SIL1: variants seen among roughly 807,000 people sequenced by gnomAD.
SIL1 encodes nucleotide exchange factor SIL1.
Under a neutral mutation model 49.1 loss-of-function variants are expected in SIL1, and 40 were observed. The ratio of observed to expected loss-of-function variants is 0.81; its 90% CI spans 0.63 to 1.06. SIL1 has a LOEUF of 1.06. Ranked by LOEUF, SIL1 falls within the 50% of genes least tolerant of loss-of-function variation. The pLI is 0.00. For synonymous variants in SIL1, 253 were observed against 250.8 expected, an observed-to-expected ratio of 1.01 and a Z score of -0.08; for missense variants, 500 against 572.6, an observed-to-expected ratio of 0.87 and a Z score of 1.29.
intron 2 of SIL1, among the ~76,000 whole-genome samples, chr5:139,124,310 C>T (rs1750712733): frequency 6.6e-6 from 1 of 152,002 alleles, no homozygotes; most frequent in African/African-American, 2.4e-5. Context: ...GATGAACCAC[C>T]GAGCTACATG....
intron 3 of SIL1, among the ~76,000 whole-genome samples, chr5:139,078,534 C>T (rs747368020): frequency 5.3e-5 from 8 of 152,138 alleles, no homozygotes; most frequent in Non-Finnish European, 8.8e-5. Flanking sequence ...GCTGGGGAGA[C>T]GCAGAACAGC....
chr5:139,004,155 G>A (rs1049873933), intron 7 of SIL1, among the ~76,000 whole-genome samples: 9 of 151,932 alleles, frequency 5.9e-5, no homozygotes, highest in African/African-American at 1.9e-4. Flanking sequence ...ATTATTATTC[G>A]CCTGCTTTAA....
intron 3 of SIL1, among the ~76,000 whole-genome samples, chr5:139,112,991 C>A (rs1473535065): frequency 6.6e-6 from 1 of 152,244 alleles, no homozygotes; most frequent in Non-Finnish European, 1.5e-5. Context: ...TCATCTATGA[C>A]CTTGCCCCCA....
intron 4 of SIL1, among the ~76,000 whole-genome samples, chr5:139,046,172 C>G (rs1449564834): frequency 1.2e-4 from 18 of 152,256 alleles, no homozygotes; most frequent in Non-Finnish European, 1.2e-4. Context: ...ACTAAAAATA[C>G]AAAAATTGGC....
At chr5:139,132,379 A>G (rs1270936782) in intron 1 of SIL1, among the ~76,000 whole-genome samples, 1 of 152,124 alleles carries the variant, frequency 6.6e-6, no homozygotes, top group African/African-American at 2.4e-5. Flanking sequence ...TGTCAGAAAC[A>G]TTTTCTGCCA....
intron 1 of SIL1, among the ~76,000 whole-genome samples, chr5:139,193,802 C>T (rs1752217612): frequency 6.6e-6 from 1 of 152,142 alleles, no homozygotes; most frequent in South Asian, 2.1e-4. Context: ...ACGGATATCC[C>T]TCTGTCCTGG....
At chr5:139,000,379 C>T (rs1464208306) in intron 7 of SIL1, among the ~76,000 whole-genome samples, 1 of 152,038 alleles carries the variant, frequency 6.6e-6, no homozygotes, top group East Asian at 1.9e-4. Flanking sequence ...TATAAAGCTA[C>T]AGTAATTAAA....
intron 5 of SIL1, among the ~76,000 whole-genome samples, chr5:139,028,667 G>C (rs1768717967): frequency 6.6e-6 from 1 of 151,992 alleles, no homozygotes; most frequent in Admixed American, 6.6e-5. Context: ...ATTACATAAG[G>C]ATACAATGTC....
chr5:139,146,666 T>C (rs1751202283), intron 1 of SIL1, among the ~76,000 whole-genome samples: 1 of 152,246 alleles, frequency 6.6e-6, no homozygotes, highest in African/African-American at 2.4e-5. Flanking sequence ...AGAAATCCCC[T>C]TCTTTGCCTA....
chr5:139,127,646 G>T, intron 2 of SIL1, 93 bp downstream of exon 2: 1 of 981,142 alleles, frequency 1.0e-6, no homozygotes, highest in Non-Finnish European at 1.6e-6. Flanking sequence ...AAACATAGAA[G>T]CCCACACCCT....
At chr5:139,060,070 C>T (rs1467476073) in intron 3 of SIL1, among the ~76,000 whole-genome samples, 1 of 152,146 alleles carries the variant, frequency 6.6e-6, no homozygotes, top group Non-Finnish European at 1.5e-5. Context: ...CTTCCCTGTC[C>T]AATTCATTAA....
At chr5:139,142,869 C>T (rs1035856960) in intron 1 of SIL1, among the ~76,000 whole-genome samples, 8 of 151,912 alleles carry the variant, frequency 5.3e-5, no homozygotes, top group African/African-American at 1.5e-4. Flanking sequence ...TCCGGGTTCA[C>T]GCCATTCTCC....
At chr5:139,055,862 G>A (rs912650000) in intron 3 of SIL1, among the ~76,000 whole-genome samples, 3 of 151,600 alleles carry the variant, frequency 2.0e-5, no homozygotes, top group East Asian at 1.9e-4. Flanking sequence ...TGGTGGAGAC[G>A]GGGTTTCACT....
At chr5:139,021,081 A>G (rs900617373) in intron 7 of SIL1, 90 bp downstream of exon 7, 4 of 1,554,016 alleles carry the variant, frequency 2.6e-6, no homozygotes, top group Non-Finnish European at 3.6e-6. Flanking sequence ...CTGAAATGTC[A>G]GTAGCAACAG....
intron 1 of SIL1, among the ~76,000 whole-genome samples, chr5:139,161,589 G>A (rs971720095): frequency 6.6e-6 from 1 of 152,128 alleles, no homozygotes; most frequent in African/African-American, 2.4e-5. Context: ...ATCCATCCCT[G>A]GGATTTTATT....
chr5:139,175,508 C>T (rs1400095696), intron 1 of SIL1, among the ~76,000 whole-genome samples: 1 of 152,206 alleles, frequency 6.6e-6, no homozygotes, highest in Non-Finnish European at 1.5e-5. Flanking sequence ...AATCTCCCAA[C>T]AAAGCAAAGC....
At chr5:139,082,850 A>G (rs570298459) in intron 3 of SIL1, among the ~76,000 whole-genome samples, 10 of 152,344 alleles carry the variant, frequency 6.6e-5, no homozygotes, top group African/African-American at 2.4e-4. Context: ...CAGGAAGCTG[A>G]TCATGGATTA....
At chr5:138,979,572 C>A (rs565404601) in intron 7 of SIL1, among the ~76,000 whole-genome samples, 1 of 152,124 alleles carries the variant, frequency 6.6e-6, no homozygotes, top group African/African-American at 2.4e-5. Flanking sequence ...GGCGTGATCT[C>A]GACTTACTGC....
intron 1 of SIL1, among the ~76,000 whole-genome samples, chr5:139,142,123 T>C (rs1254462450): frequency 6.6e-6 from 1 of 152,164 alleles, no homozygotes; most frequent in East Asian, 1.9e-4. Flanking sequence ...CAAAAAAGTA[T>C]GGAAAAGTTC....
Sources: allele counts gnomAD v4.1 joint callset (sites outside exome capture counted in the v4.1 genomes callset), GRCh38; gene constraint gnomAD v4.1.1; transcripts MANE v1.5; gene names NCBI Gene and HGNC (gene_info 2026-07-23, HGNC 2026-07-21).